HHLA1: variants seen among roughly 807,000 people sequenced by gnomAD.
HHLA1 encodes HERV-H LTR-associating protein 1.
A neutral mutation model predicts 69.9 loss-of-function variants in HHLA1; 72 were observed. The ratio of observed to expected loss-of-function variants is 1.03; its 90% confidence interval spans 0.85 to 1.25. HHLA1 has a LOEUF of 1.25. Ranked by LOEUF, HHLA1 falls within the 50% of genes most tolerant of loss-of-function variation. The probability of loss-of-function intolerance (pLI) is 0.00; values close to 1 mark genes in which losing one functional copy is unlikely to be tolerated. For synonymous variants in HHLA1, 252 were observed against 233.2 expected (o/e 1.08, Z -0.73); for missense variants, 685 against 642.2 (o/e 1.07, Z -0.72).
intron 14 of HHLA1, among the ~76,000 whole-genome samples, chr8:132,074,132 A>G (rs956374646): frequency 5.3e-5 from 8 of 152,150 alleles, no homozygotes; most frequent in Non-Finnish European, 8.8e-5. Flanking sequence ...AGCACCTTCA[A>G]CATCAGTCCT....
chr8:132,064,093 A>G, intron 16 of HHLA1, 55 bp from the exon 17 acceptor site: 1 of 1,152,132 alleles, frequency 8.7e-7, no homozygotes, highest in African/African-American at 1.6e-5. Context: ...TAAACACTGT[A>G]GAGACATAAA....
intron 7 of HHLA1, among the ~76,000 whole-genome samples, chr8:132,093,359 G>A (rs1352171667): frequency 6.6e-6 from 1 of 152,040 alleles, no homozygotes; most frequent in Non-Finnish European, 1.5e-5. Context: ...GAAAACTTAA[G>A]CCAGTTTCAT....
At chr8:132,066,676 CA>C (rs1223490367) in intron 15 of HHLA1, among the ~76,000 whole-genome samples, 1 of 152,170 alleles carries the variant, frequency 6.6e-6, no homozygotes, top group African/African-American at 2.4e-5. Context: ...ATTTCTCTTC[CA>C]CCTCTAACAT....
chr8:132,076,536 G>A lies in HHLA1; in HGVS notation c.1179C>T (p.Phe393=). ...PSQASPTLGA[F]THGTQTPSPT... ...GACTCGGAGTCTGTGTGCCATGGGT[G>A]AATGCTCCTGGGAGGAGATGAGAGA... is the stretch of plus-strand genomic sequence containing the variant. The change falls in exon 13 of 17, where the codon TTC becomes TTT. Residue 393 remains phenylalanine, a synonymous_variant. Coordinates refer to ENST00000414222, the MANE Select transcript of HHLA1 (RefSeq NM_001145095.3). The A allele has an allele frequency of 6.5e-7, 1 of 1,532,166 alleles. No individual in the cohort carries two copies. The allele number at this position is 1,532,166 out of a possible 1,614,324, so 94.9% of individuals were successfully genotyped here.
At chr8:132,071,008 C>A (rs1309900869) in intron 15 of HHLA1, among the ~76,000 whole-genome samples, 1 of 152,122 alleles carries the variant, frequency 6.6e-6, no homozygotes, top group African/African-American at 2.4e-5. Flanking sequence ...CAACACAACT[C>A]AACTCATCTC....
chr8:132,081,934 A>G (rs888682515), intron 10 of HHLA1, among the ~76,000 whole-genome samples: 7 of 152,142 alleles, frequency 4.6e-5, no homozygotes, highest in African/African-American at 1.7e-4. Flanking sequence ...CTATAGTATA[A>G]CCTGCCTTTG....
chr8:132,065,518 G>A (rs1189120564), intron 16 of HHLA1, among the ~76,000 whole-genome samples: 5 of 152,164 alleles, frequency 3.3e-5, no homozygotes, highest in Admixed American at 1.3e-4. Context: ...TCCTGACCTC[G>A]TGATCCGCCC....
chr8:132,095,184 A>G (rs1302398892), intron 7 of HHLA1, among the ~76,000 whole-genome samples: 1 of 152,190 alleles, frequency 6.6e-6, no homozygotes, highest in Non-Finnish European at 1.5e-5. Flanking sequence ...TTTTCCATGC[A>G]CAGGCCAAAT....
At chr8:132,104,003 G>A in intron 3 of HHLA1, 105 bp downstream of exon 3, 1 of 743,982 alleles carries the variant, frequency 1.3e-6, no homozygotes, top group Admixed American at 2.1e-5. Context: ...AGTGTTAGAT[G>A]CGGATATAAT....
intron 11 of HHLA1, 112 bp from the exon 12 acceptor site, chr8:132,078,083 G>T: frequency 8.5e-7 from 1 of 1,174,494 alleles, no homozygotes; most frequent in South Asian, 1.5e-5. Context: ...CAATGTGAAC[G>T]TGTAATATAA....
chr8:132,071,478 A>G lies in HHLA1; in HGVS notation c.1331T>C (p.Leu444Pro). 2 of 1,551,554 alleles carry G rather than the reference A, an allele frequency of 1.3e-6. No homozygotes were observed. Among genetic ancestry groups the G allele is most frequent in the Non-Finnish European group, 1.7e-6 (2 of 1,146,894 alleles). ...PHQVSRCPQP[L>P]FKVGAMAAAP... ...AGCTGCCATAGCTCCCACCTTGAAGAGTGGCTGAGGACACCCTAGAAGATG... is the reference window on the plus strand; with the variant it reads ...AGCTGCCATAGCTCCCACCTTGAAGGGTGGCTGAGGACACCCTAGAAGATG... The change falls in exon 15 of 17, where the codon CTC becomes CCC. Residue 444 changes from leucine (L) to proline (P), a missense_variant. Physicochemically the swap from Leu to Pro is moderately conservative, Grantham distance 98 (BLOSUM62 -3). Transcript: ENST00000414222.
At chr8:132,076,423 A>ACACCC in intron 13 of HHLA1, 52 bp downstream of exon 13, 1 of 359,210 alleles carries the variant, frequency 2.8e-6, no homozygotes, top group Non-Finnish European at 5.0e-6. Context: ...CAAGCTTCCC[A>ACACCC]CCCCTCCCAT....
At chr8:132,074,469 A>G (rs1823601012) in intron 14 of HHLA1, among the ~76,000 whole-genome samples, 1 of 152,160 alleles carries the variant, frequency 6.6e-6, no homozygotes, top group African/African-American at 2.4e-5. Context: ...TGAATGAGAT[A>G]TTACCTCTCC....
In HHLA1 at chr8:132,076,436, C is replaced by T. The variant is rs1214482644; in HGVS notation, c.1240+39G>A. The stretch of plus-strand genomic sequence containing the variant: ...CCCAAGCTTCCCACCCCTCCCATCC[C>T]CCACCCCCAAACCCCCACTTCCGTA... On this transcript the variant is annotated intron_variant, in intron 13 of 16. Coordinates refer to ENST00000414222, the MANE Select transcript of HHLA1 (RefSeq NM_001145095.3). 9 of 1,112,342 alleles carry T rather than the reference C, an allele frequency of 8.1e-6. No homozygotes were observed. In the African/African-American group the frequency reaches 1.1e-4, roughly 14 times the overall value. 68.9% of individuals were successfully genotyped at this position (1,112,342 alleles called of 1,614,324 possible). A position where few individuals can be genotyped will look rare whatever the true frequency, so the allele number is the denominator to read the frequency against.
chr8:132,106,609 G>A (rs958098915), intron 1 of HHLA1, among the ~76,000 whole-genome samples: 1 of 152,222 alleles, frequency 6.6e-6, no homozygotes, highest in Admixed American at 6.5e-5. Flanking sequence ...CTGGCACATC[G>A]TTATGCTCAC....
chr8:132,085,818 G>A (rs1299973302), intron 10 of HHLA1, among the ~76,000 whole-genome samples: 2 of 138,038 alleles, frequency 1.4e-5, no homozygotes, highest in Non-Finnish European at 3.1e-5. Context: ...CTTTCACAAG[G>A]TAATGTCATC....
chr8:132,089,632 G>T, intron 7 of HHLA1, 33 bp from the exon 8 acceptor site: 2 of 1,033,080 alleles, frequency 1.9e-6, no homozygotes, highest in Non-Finnish European at 1.5e-6. Flanking sequence ...TTAAATTTCT[G>T]CTTCAGAGAC....
rs1823639369 is a variant in HHLA1 at position 132,076,332 on chromosome 8, T to A, written c.1240+143A>T. ...AGGCTTATAAACCAGTTCTCCTGAC[T>A]CTTTTCCTGCAGGAAACAATAAAGC... On this transcript the variant is annotated intron_variant, in intron 13 of 16. Transcript: ENST00000414222. 4 of 713,684 alleles carry A rather than the reference T, an allele frequency of 5.6e-6. No individual in the cohort carries two copies. The South Asian group carries it at 7.5e-5, about 13-fold the overall frequency. The allele number at this position is 713,684 out of a possible 1,614,324, so 44.2% of individuals were successfully genotyped here. A position where few individuals can be genotyped will look rare whatever the true frequency, so the allele number is the denominator to read the frequency against.
At chr8:132,083,852 G>A (rs1823807322) in intron 10 of HHLA1, among the ~76,000 whole-genome samples, 1 of 152,178 alleles carries the variant, frequency 6.6e-6, no homozygotes, top group Non-Finnish European at 1.5e-5. Context: ...CACCTTGAAG[G>A]CAAGGTTAAT....
Sources: allele counts gnomAD v4.1 joint callset (sites outside exome capture counted in the v4.1 genomes callset), GRCh38; gene constraint gnomAD v4.1.1; transcripts MANE v1.5; gene names NCBI Gene and HGNC (gene_info 2026-07-23, HGNC 2026-07-21).